The following DAB1 variants were observed in gnomAD, a reference collection of about 807,000 sequenced individuals.
The protein encoded by DAB1 is DAB adaptor protein 1.
Under a neutral mutation model 64.6 loss-of-function variants are expected in DAB1, and 15 were observed. That is an observed-to-expected ratio of 0.23 (90% CI 0.16 to 0.36). DAB1 has a LOEUF of 0.36. DAB1 is among the 10% of genes least tolerant of loss of function. DAB1 has a pLI of 1.00. For missense variants in DAB1, 596 were observed against 706.7 expected, an observed-to-expected ratio of 0.84 and a Z score of 1.78; for synonymous variants, 235 against 251.9, an observed-to-expected ratio of 0.93 and a Z score of 0.64.
chr1:58,218,289 G>C (rs1159998558), intron 4 of DAB1, among the ~76,000 whole-genome samples: 1 of 152,182 alleles, frequency 6.6e-6, no homozygotes, highest in Non-Finnish European at 1.5e-5. Flanking sequence ...ACTGGGATGA[G>C]GGTCAGAGCA....
chr1:57,027,651 C>T (rs766792037), intron 9 of DAB1, among the ~76,000 whole-genome samples: 16 of 152,132 alleles, frequency 1.1e-4, no homozygotes, highest in Non-Finnish European at 2.1e-4. Flanking sequence ...ATAAGATCTC[C>T]TTTGCAGATG....
chr1:57,692,639 ATTC>A (rs1466093264), intron 6 of DAB1, among the ~76,000 whole-genome samples: 2 of 152,166 alleles, frequency 1.3e-5, no homozygotes, highest in African/African-American at 2.4e-5. Flanking sequence ...GCCAAGGCAT[ATTC>A]TTCTTATGTT....
chr1:57,581,420 A>C (rs1165962987), intron 7 of DAB1, among the ~76,000 whole-genome samples: 1 of 152,166 alleles, frequency 6.6e-6, no homozygotes, highest in Non-Finnish European at 1.5e-5. Context: ...GGATTTGAAT[A>C]CAATGGAAAG....
At chr1:57,081,454 A>G (rs1301302821) in intron 4 of DAB1, among the ~76,000 whole-genome samples, 1 of 152,202 alleles carries the variant, frequency 6.6e-6, no homozygotes, top group East Asian at 1.9e-4. Context: ...ACACTTCGAA[A>G]TCAAGTCATC....
chr1:57,861,385 AT>A (rs1384741869), intron 1 of DAB1, among the ~76,000 whole-genome samples: 1 of 152,164 alleles, frequency 6.6e-6, no homozygotes, highest in Non-Finnish European at 1.5e-5. Flanking sequence ...TGGGTTACAG[AT>A]TGCAGCTAGT....
At chr1:57,527,027 T>G (rs1644601327) in intron 7 of DAB1, among the ~76,000 whole-genome samples, 1 of 152,160 alleles carries the variant, frequency 6.6e-6, no homozygotes, top group Non-Finnish European at 1.5e-5. Context: ...CACAATTTTC[T>G]GGGTAAGAAA....
At chr1:57,513,910 C>G (rs879444035) in intron 7 of DAB1, among the ~76,000 whole-genome samples, 8 of 152,064 alleles carry the variant, frequency 5.3e-5, no homozygotes, top group African/African-American at 1.9e-4. Flanking sequence ...AAAAGTTCCA[C>G]TTTTTTTAGG....
chr1:57,389,660 G>C (rs1682181622), intron 1 of DAB1, among the ~76,000 whole-genome samples: 1 of 152,152 alleles, frequency 6.6e-6, no homozygotes, highest in Non-Finnish European at 1.5e-5. Flanking sequence ...GGTAGGGAGA[G>C]AGGGAAGGAA....
At chr1:57,220,205 G>T (rs1215561850) in intron 2 of DAB1, among the ~76,000 whole-genome samples, 3 of 152,290 alleles carry the variant, frequency 2.0e-5, no homozygotes, top group Non-Finnish European at 2.9e-5. Flanking sequence ...TCCTTTGAGG[G>T]GTTCATTTGG....
At chr1:57,606,581 A>AAC (rs1645647984) in intron 7 of DAB1, among the ~76,000 whole-genome samples, 1 of 102,236 alleles carries the variant, frequency 9.8e-6, no homozygotes, top group East Asian at 2.7e-4. Context: ...TGAAATATAT[A>AAC]ATATAATATA....
intron 4 of DAB1, among the ~76,000 whole-genome samples, chr1:57,135,900 C>T (rs932497523): frequency 1.5e-4 from 23 of 152,080 alleles, no homozygotes; most frequent in African/African-American, 5.6e-4. Flanking sequence ...GAAAACGGAT[C>T]ATAGAAGGTT....
intron 7 of DAB1, among the ~76,000 whole-genome samples, chr1:57,561,641 C>A (rs1645053309): frequency 6.6e-6 from 1 of 152,222 alleles, no homozygotes; most frequent in Non-Finnish European, 1.5e-5. Context: ...GTGGACACCA[C>A]TCAGCCTCTT....
intron 1 of DAB1, among the ~76,000 whole-genome samples, chr1:57,410,722 G>A (rs974551618): frequency 6.6e-5 from 10 of 152,178 alleles, no homozygotes; most frequent in Admixed American, 6.5e-5. Context: ...TATCTAGCCT[G>A]ACTCACATGA....
intron 5 of DAB1, among the ~76,000 whole-genome samples, chr1:58,132,536 C>T (rs945870510): frequency 1.3e-5 from 2 of 152,200 alleles, no homozygotes; most frequent in African/African-American, 4.8e-5. Context: ...TTGTCTTGCT[C>T]ATACAGCCAG....
chr1:57,941,651 A>T (rs1029367755), intron 5 of DAB1, among the ~76,000 whole-genome samples: 2 of 152,176 alleles, frequency 1.3e-5, no homozygotes, highest in African/African-American at 4.8e-5. Context: ...CCTGGCTAAC[A>T]TGGTGAAACC....
chr1:58,282,218 G>A (rs1233857440), intron 4 of DAB1, among the ~76,000 whole-genome samples: 1 of 152,072 alleles, frequency 6.6e-6, no homozygotes, highest in South Asian at 2.1e-4. Context: ...ATCTCAGATG[G>A]GGATATGATG....
chr1:57,071,384 G>T lies in DAB1; in HGVS notation c.558+138C>A, dbSNP rs1651444228. On this transcript the variant is annotated intron_variant, in intron 6 of 14. Transcript: ENST00000371236. ...AATAATTTCTAATGGCTTGCTTTGG[G>T]TCCTGTAATTTACACAGGAATCTTT... The T allele has an allele frequency of 3.0e-6, 3 of 999,972 alleles. No homozygotes were observed. In the Admixed American group the frequency reaches 7.9e-5, roughly 26 times the overall value. The allele number at this position is 999,972 out of a possible 1,614,324, so 61.9% of individuals were successfully genotyped here.
At chr1:58,474,470 G>GATA (rs548136600) in intron 3 of DAB1, among the ~76,000 whole-genome samples, 220 of 152,180 alleles carry the variant, frequency 1.4e-3, no homozygotes, top group South Asian at 7.7e-3. Flanking sequence ...GGTTCATTGT[G>GATA]ATAAGCTCAG....
chr1:58,379,632 T>C (rs1425463152), intron 3 of DAB1, among the ~76,000 whole-genome samples: 2 of 152,260 alleles, frequency 1.3e-5, no homozygotes, highest in Non-Finnish European at 2.9e-5. Flanking sequence ...TACCTATTGG[T>C]GCAACCATCC....
Sources: gnomAD v4.1 joint callset for allele counts (sites outside exome capture counted in the v4.1 genomes callset) on GRCh38, gnomAD v4.1.1 for gene constraint, MANE v1.5 for transcripts, NCBI Gene and HGNC (gene_info 2026-07-23, HGNC 2026-07-21) for gene names.